EML1: variants seen among roughly 807,000 people sequenced by gnomAD.
EML1 encodes the protein echinoderm microtubule-associated protein-like 1.
A neutral mutation model predicts 110.4 loss-of-function variants in EML1; 27 were observed. The ratio of observed to expected loss-of-function variants is 0.24; its 90% CI spans 0.18 to 0.34. The LOEUF (loss-of-function observed/expected upper bound fraction) is 0.34, where lower values mean the gene tolerates loss of function less well. Among genes scored for constraint, EML1 ranks in the 10% least tolerant of loss-of-function variants. The probability of loss-of-function intolerance (pLI) is 1.00; values close to 1 mark genes in which losing one functional copy is unlikely to be tolerated. For missense variants in EML1, 741 were observed against 1,030.9 expected, an observed-to-expected ratio of 0.72 and a Z score of 3.85; for synonymous variants, 344 against 385.8, an observed-to-expected ratio of 0.89 and a Z score of 1.27.
At chr14:99,776,236 C>T (rs1454146085) in intron 1 of EML1, among the ~76,000 whole-genome samples, 1 of 152,178 alleles carries the variant, frequency 6.6e-6, no homozygotes, top group Admixed American at 6.5e-5. Flanking sequence ...TGCGGTGGCT[C>T]ATGCCTGTAA....
At chr14:99,805,011 G>T (rs1197451351) in intron 1 of EML1, among the ~76,000 whole-genome samples, 5 of 152,146 alleles carry the variant, frequency 3.3e-5, no homozygotes, top group Non-Finnish European at 7.3e-5. Context: ...CACATGCTGA[G>T]CGCCCTTGCC....
chr14:99,911,620 A>G, intron 13 of EML1, 44 bp downstream of exon 13: 1 of 1,579,528 alleles, frequency 6.3e-7, no homozygotes, highest in Non-Finnish European at 8.6e-7. Context: ...TTAACCTTAA[A>G]CTGTTATCCT....
chr14:99,920,613 A>G (rs1361204445), intron 16 of EML1, among the ~76,000 whole-genome samples, 176 bp from the exon 17 acceptor site: 1 of 152,210 alleles, frequency 6.6e-6, no homozygotes, highest in Non-Finnish European at 1.5e-5. Flanking sequence ...TCATTAGAAA[A>G]TGCTTATATA....
intron 1 of EML1, chr14:99,838,906 T>TGCGCGCGCGCGCGCGTGTGTGTGTGTGC (rs1555394663): frequency 4.2e-5 from 6 of 143,476 alleles, no homozygotes; most frequent in Non-Finnish European, 6.2e-5. Flanking sequence ...GGTTGGGGAG[T>TGCGCGCGCGCGCGCGTGTGTGTGTGTGC]GCGCGCGCGC....
chr14:99,813,696 A>G (rs1008575350), intron 1 of EML1, among the ~76,000 whole-genome samples: 2 of 152,202 alleles, frequency 1.3e-5, no homozygotes, highest in African/African-American at 4.8e-5. Context: ...AGGCAGAGCA[A>G]GACTCTGTCT....
chr14:99,882,340 T>C (rs1208294266), intron 4 of EML1, among the ~76,000 whole-genome samples: 6 of 152,178 alleles, frequency 3.9e-5, no homozygotes, highest in Admixed American at 3.3e-4. Context: ...ACGGTTCATG[T>C]TAGATGTTGC....
At chr14:99,914,812 TTATC>T (rs1384264219) in intron 15 of EML1, 115 bp downstream of exon 15, 17 of 1,375,092 alleles carry the variant, frequency 1.2e-5, no homozygotes, top group Non-Finnish European at 1.6e-5. Flanking sequence ...CAAATGTTAT[TTATC>T]TATTTAGAGT....
chr14:99,779,363 G>A (rs1433661543), intron 1 of EML1, among the ~76,000 whole-genome samples: 1 of 152,084 alleles, frequency 6.6e-6, no homozygotes, highest in Non-Finnish European at 1.5e-5. Context: ...TTCTTATTTT[G>A]TGGATGCAAT....
At chr14:99,932,868 C>A (rs953292822) in intron 17 of EML1, among the ~76,000 whole-genome samples, 3 of 152,060 alleles carry the variant, frequency 2.0e-5, no homozygotes, top group African/African-American at 7.2e-5. Flanking sequence ...CCTGTAATCC[C>A]AGCACTTTGG....
At position 99,739,116 on chromosome 14, in the gene EML1, G is replaced by C. The variant is rs1424950562; in HGVS notation, c.28+1256G>C. Reference sequence around the variant, plus strand: ...TGAGAGAGAGAGACAGAGAGAGAGAGAGAGTGTGTGTGTGTGTGTGTGTGT... The same window carrying C: ...TGAGAGAGAGAGACAGAGAGAGAGACAGAGTGTGTGTGTGTGTGTGTGTGT... On this transcript the variant is annotated intron_variant, in intron 1 of 10. Transcript: ENST00000554479. Among the ~76,000 whole-genome samples, 4 of 67,594 alleles carry C rather than the reference G, an allele frequency of 5.9e-5. 1 individual carries two copies. The highest frequency in any genetic ancestry group is 6.8e-5 in the Non-Finnish European group (2 of 29,502). 44.3% of individuals were successfully genotyped at this position (67,594 alleles called of 152,430 possible). A position where few individuals can be genotyped will look rare whatever the true frequency, so the allele number is the denominator to read the frequency against.
At chr14:99,927,028 G>A (rs749207977) in intron 17 of EML1, among the ~76,000 whole-genome samples, 5 of 152,340 alleles carry the variant, frequency 3.3e-5, no homozygotes, top group African/African-American at 4.8e-5. Flanking sequence ...GATTACAGGC[G>A]TGAGCCACAG....
intron 5 of EML1, among the ~76,000 whole-genome samples, chr14:99,893,413 G>A (rs2059620630): frequency 6.6e-6 from 1 of 152,172 alleles, no homozygotes; most frequent in Non-Finnish European, 1.5e-5. Context: ...ATGGGACGCA[G>A]TGGCTGGCAC....
chr14:99,758,205 G>T lies in EML1; in HGVS notation c.28+20345G>T, dbSNP rs149068375. ...GTGCTTACACATGAACACTGTGTTCGAGAGTCAACGGAAGCCAGATCATAA... is the reference window on the plus strand; with the variant it reads ...GTGCTTACACATGAACACTGTGTTCTAGAGTCAACGGAAGCCAGATCATAA... On this transcript the variant is annotated intron_variant, in intron 1 of 10. Transcript: ENST00000554479. 1.0e-3 allele frequency among the ~76,000 whole-genome samples: 159 copies of T among 152,308 alleles called. 7 individuals are homozygous for T. In the East Asian group the frequency reaches 0.024, roughly 23 times the overall value.
intron 1 of EML1, among the ~76,000 whole-genome samples, chr14:99,814,873 TA>T (rs979971237): frequency 6.6e-6 from 1 of 152,188 alleles, no homozygotes; most frequent in Admixed American, 6.5e-5. Context: ...TGCTAGCATA[TA>T]TGCTCTTCAT....
intron 1 of EML1, among the ~76,000 whole-genome samples, chr14:99,841,336 A>G (rs1291228094): frequency 6.6e-6 from 1 of 152,188 alleles, no homozygotes; most frequent in Admixed American, 6.5e-5. Flanking sequence ...TATTCATAAC[A>G]ATGGATTCTA....
chr14:99,922,915 T>A (rs1421663568), intron 17 of EML1, among the ~76,000 whole-genome samples: 2 of 152,196 alleles, frequency 1.3e-5, no homozygotes, highest in Non-Finnish European at 2.9e-5. Context: ...TTTGCAAATA[T>A]TTTTTCTGAA....
intron 1 of EML1, among the ~76,000 whole-genome samples, chr14:99,819,721 A>G (rs2058229951): frequency 6.6e-6 from 1 of 152,100 alleles, no homozygotes; most frequent in African/African-American, 2.4e-5. Context: ...GGAGGGGTGA[A>G]GCAGACATGG....
chr14:99,749,809 A>G lies in EML1; in HGVS notation c.28+11949A>G, dbSNP rs549184260. Among the ~76,000 whole-genome samples the G allele has an allele frequency of 3.9e-5, 6 of 152,340 alleles. No individual in the cohort carries two copies. In the East Asian group the frequency reaches 1.2e-3, roughly 29 times the overall value. On this transcript the variant is annotated intron_variant, in intron 1 of 10. Coordinates refer to the EML1 transcript ENST00000554479. ...GACCCCGACATGTCTACACAGCCCC[A>G]GTGAAATGCAGATGGCACACGTTCA...
In EML1 at chr14:99,905,175, G is replaced by A. The variant is rs1051063400; in HGVS notation, c.1009-2463G>A. 4.6e-5 allele frequency among the ~76,000 whole-genome samples: 7 copies of A among 152,252 alleles called. No individual in the cohort carries two copies. The highest frequency in any genetic ancestry group is 3.9e-4 in the Admixed American group (6 of 15,276). ...CAGCTGGCTGCACCACAGCCCTAGG[G>A]GCCAAGCCACATCATAAAGGAAAAT... On this transcript the variant is annotated intron_variant, in intron 9 of 21. Transcript: ENST00000262233. This position sits in a 1 kb window ranked among gnomAD's most constrained non-coding sequence, Gnocchi z 4.1.
Sources: gnomAD v4.1 joint callset for allele counts (sites outside exome capture counted in the v4.1 genomes callset) on GRCh38, gnomAD v4.1.1 for gene constraint, Gnocchi (gnomAD v3.1) non-coding constraint, MANE v1.5 for transcripts, NCBI Gene and HGNC (gene_info 2026-07-23, HGNC 2026-07-21) for gene names.